The following SLC6A3 variants were observed in gnomAD, a reference collection of about 807,000 sequenced individuals.
SLC6A3 encodes solute carrier family 6 member 3.
In SLC6A3, 19 loss-of-function variants were observed where a neutral mutation model predicts 70.4. That is an observed-to-expected ratio of 0.27 (90% CI 0.19 to 0.40). The LOEUF (loss-of-function observed/expected upper bound fraction) is 0.40, where lower values mean the gene tolerates loss of function less well. SLC6A3 is among the 10% of genes least tolerant of loss of function. The pLI, the probability that SLC6A3 is intolerant of heterozygous loss-of-function variation, is 1.00. For missense variants in SLC6A3, 613 were observed against 838.5 expected (o/e 0.73, Z 3.32); for synonymous variants, 368 against 356.6 (o/e 1.03, Z -0.36).
chr5:1,417,313 C>T (rs202124739), intron 6 of SLC6A3, among the ~76,000 whole-genome samples: 6 of 152,214 alleles, frequency 3.9e-5, no homozygotes, highest in South Asian at 4.2e-4. Context: ...ACCCTCAGAA[C>T]AGCATGGATC....
Position 1,404,729 on chromosome 5 carries a change from A to G in SLC6A3, c.1599+1459T>C, listed in dbSNP as rs1355304267. Among the ~76,000 whole-genome samples the G allele has an allele frequency of 6.6e-6, 1 of 152,266 alleles. No homozygotes were observed. Among genetic ancestry groups the G allele is most frequent in the Non-Finnish European group, 1.5e-5 (1 of 68,048 alleles). ...AGAACTTCATAGGAATTGTGCTGTC[A>G]TATTAAATACAAAATGACATAGAGC... is the stretch of plus-strand genomic sequence containing the variant. On this transcript the variant is annotated intron_variant, in intron 12 of 14. Coordinates refer to ENST00000270349, the MANE Select transcript of SLC6A3 (RefSeq NM_001044.5). The surrounding 1 kb of genome is among the most constrained non-coding windows in gnomAD (Gnocchi z 5.2).
chr5:1,405,072 G>T lies in SLC6A3; in HGVS notation c.1599+1116C>A, dbSNP rs193053174. On this transcript the variant is annotated intron_variant, in intron 12 of 14. Transcript: ENST00000270349. This position sits in a 1 kb window ranked among gnomAD's most constrained non-coding sequence, Gnocchi z 5.3. Reference sequence around the variant, plus strand: ...TCCCCTCTGAACAGCCATGTAGTCTGTGTGCTATTAAAAGCCCGCCCCATG... The same window carrying T: ...TCCCCTCTGAACAGCCATGTAGTCTTTGTGCTATTAAAAGCCCGCCCCATG... Among the ~76,000 whole-genome samples, 61 of 152,326 alleles carry T rather than the reference G, an allele frequency of 4.0e-4. No individual in the cohort carries two copies. The East Asian group carries it at 0.011, about 27-fold the overall frequency.
chr5:1,415,269 C>G (rs1296248280), intron 7 of SLC6A3, among the ~76,000 whole-genome samples: 2 of 152,092 alleles, frequency 1.3e-5, no homozygotes, highest in Non-Finnish European at 2.9e-5. Context: ...GGCTGAGAAA[C>G]CAGAGAGCTG....
Position 1,404,495 on chromosome 5 carries a change from G to A in SLC6A3, c.1600-1406C>T, listed in dbSNP as rs1755924765. Among the ~76,000 whole-genome samples, 1 of 152,214 alleles carries A rather than the reference G, an allele frequency of 6.6e-6. No individual in the cohort carries two copies. The highest frequency in any genetic ancestry group is 6.5e-5 in the Admixed American group (1 of 15,286). On this transcript the variant is annotated intron_variant, in intron 12 of 14. Coordinates refer to ENST00000270349, the MANE Select transcript of SLC6A3 (RefSeq NM_001044.5). The surrounding 1 kb of genome is among the most constrained non-coding windows in gnomAD (Gnocchi z 5.2). ...TCTTAGAAAGAACTATGCCTCCCCA[G>A]GCCACAGTCTGCCCATGTAAGTTGC...
At chr5:1,419,829 C>T (rs1158245743) in intron 6 of SLC6A3, among the ~76,000 whole-genome samples, 1 of 151,218 alleles carries the variant, frequency 6.6e-6, no homozygotes, top group Non-Finnish European at 1.5e-5. Flanking sequence ...TCATAGGTGC[C>T]ATGTCCAGGT....
At chr5:1,416,041 T>C (rs1480550226) in intron 7 of SLC6A3, 57 bp downstream of exon 7, 4 of 1,308,386 alleles carry the variant, frequency 3.1e-6, no homozygotes, top group Admixed American at 3.4e-5. Context: ...TTTCTGGAAG[T>C]CAGCGACCTC....
chr5:1,399,478 C>G (rs917471630), intron 14 of SLC6A3, among the ~76,000 whole-genome samples: 2 of 152,176 alleles, frequency 1.3e-5, no homozygotes, highest in Non-Finnish European at 2.9e-5. Flanking sequence ...AATACAGGAG[C>G]TGAGATTAAT....
Position 1,400,004 on chromosome 5 carries a change from G to T in SLC6A3, c.1839+911C>A, listed in dbSNP as rs575438434. On this transcript the variant is annotated intron_variant, in intron 14 of 14. Transcript: ENST00000270349. ...GACCCCTGCTGGGAGGACTGTTTAC[G>T]AGAACCAGCCACAGAGAGGTGGCCA... Among the ~76,000 whole-genome samples, 5 of 152,320 alleles carry T rather than the reference G, an allele frequency of 3.3e-5. No individual in the cohort carries two copies. In the East Asian group the frequency reaches 9.7e-4, roughly 29 times the overall value.
intron 12 of SLC6A3, 125 bp from the exon 13 acceptor site, chr5:1,403,214 C>T (rs1222036750): frequency 2.6e-5 from 29 of 1,104,220 alleles, no homozygotes; most frequent in South Asian, 4.1e-5. Context: ...GTGCAGACCC[C>T]GGCCAGGCCT....
rs771719912 is a variant in SLC6A3, at chr5:1,432,685, C to T, written c.432G>A (p.Thr144=). 1.3e-5 allele frequency: 21 copies of T among 1,613,922 alleles called. No homozygotes were observed. Among genetic ancestry groups the T allele is most frequent in the South Asian group, 7.7e-5 (7 of 91,066 alleles). The change falls in exon 4 of 15, where the codon ACG becomes ACA. Residue 144 remains threonine, a synonymous_variant. Coordinates refer to ENST00000270349, the MANE Select transcript of SLC6A3 (RefSeq NM_001044.5). ...CGACATACAGTGAGATGAGGATGAC[C>T]GTGAAGCCCACACCTAGCGGGAAGG... The part of the protein sequence containing the change: ...ICPILKGVGF[T]VILISLYVGF...
Position 1,421,835 on chromosome 5 carries a change from C to T in SLC6A3, c.792+41G>A, listed in dbSNP as rs1444575170. 1.9e-6 allele frequency: 3 copies of T among 1,608,574 alleles called. No homozygotes were observed. Among genetic ancestry groups the T allele is most frequent in the Non-Finnish European group, 2.6e-6 (3 of 1,176,218 alleles). ...CCACGGCCACATGTCCACTTGGTGG[C>T]CCCATGTCTACAGGCCCAATTGGTG... On this transcript the variant is annotated intron_variant, in intron 5 of 14. Transcript: ENST00000270349. This position sits in a 1 kb window ranked among gnomAD's most constrained non-coding sequence, Gnocchi z 7.2.
In SLC6A3 at chr5:1,405,652, A is replaced by G. The variant is rs1400427486; in HGVS notation, c.1599+536T>C. Among the ~76,000 whole-genome samples the G allele has an allele frequency of 1.3e-5, 2 of 151,906 alleles. No homozygotes were observed. The highest frequency in any genetic ancestry group is 3.9e-4 in the East Asian group (2 of 5,146). On this transcript the variant is annotated intron_variant, in intron 12 of 14. Coordinates refer to ENST00000270349, the MANE Select transcript of SLC6A3 (RefSeq NM_001044.5). The surrounding 1 kb of genome is among the most constrained non-coding windows in gnomAD (Gnocchi z 5.3). Reference sequence around the variant, plus strand: ...CCTTCCAACAAAACTCTATTTACAAACACCAGCGTCCGACGGCCTTGCCCG... The same window carrying G: ...CCTTCCAACAAAACTCTATTTACAAGCACCAGCGTCCGACGGCCTTGCCCG...
Position 1,436,557 on chromosome 5 carries a change from T to A in SLC6A3, c.419-3859A>T, listed in dbSNP as rs1756840658. On this transcript the variant is annotated intron_variant, in intron 3 of 14. Transcript: ENST00000270349. The surrounding 1 kb of genome is among the most constrained non-coding windows in gnomAD (Gnocchi z 5.2). ...CTTTTAAGGCCCATTTCCTTAAATTTATTTTTGCTTAGTATCTTTTTCTTT... is the reference window on the plus strand; with the variant it reads ...CTTTTAAGGCCCATTTCCTTAAATTAATTTTTGCTTAGTATCTTTTTCTTT... Among the ~76,000 whole-genome samples, 1 of 152,250 alleles carries A rather than the reference T, an allele frequency of 6.6e-6. No individual in the cohort carries two copies. Among genetic ancestry groups the A allele is most frequent in the Non-Finnish European group, 1.5e-5 (1 of 68,046 alleles).
intron 4 of SLC6A3, among the ~76,000 whole-genome samples, chr5:1,425,654 T>C (rs756549687): frequency 2.4e-4 from 36 of 152,352 alleles, no homozygotes; most frequent in South Asian, 6.2e-4. Context: ...ACACAAAAGA[T>C]GAATTAGACT....
In SLC6A3 at chr5:1,436,207, C is replaced by T. The variant is rs561071214; in HGVS notation, c.419-3509G>A. Among the ~76,000 whole-genome samples the T allele has an allele frequency of 1.9e-4, 29 of 152,240 alleles. No individual in the cohort carries two copies. The highest frequency in any genetic ancestry group is 6.3e-4 in the African/African-American group (26 of 41,470). ...CAGAGCCCGTGACCTGGGCCACTGA[C>T]GTGTAGCCCCTCACCAACCAGCCAA... On this transcript the variant is annotated intron_variant, in intron 3 of 14. Transcript: ENST00000270349. The surrounding 1 kb of genome is among the most constrained non-coding windows in gnomAD (Gnocchi z 5.2).
chr5:1,409,196 C>A, intron 10 of SLC6A3, 71 bp from the exon 11 acceptor site: 1 of 1,107,920 alleles, frequency 9.0e-7, no homozygotes, highest in Non-Finnish European at 1.3e-6. Flanking sequence ...TGGGGATTCA[C>A]TGTGCACACA....
intron 6 of SLC6A3, among the ~76,000 whole-genome samples, chr5:1,418,204 T>C (rs746435567): frequency 6.6e-6 from 1 of 152,122 alleles, no homozygotes; most frequent in Non-Finnish European, 1.5e-5. Flanking sequence ...GGGGAGCGCC[T>C]GCCTCCTCCT....
At chr5:1,419,319 GCATTCATCCATC>G (rs1560916509) in intron 6 of SLC6A3, among the ~76,000 whole-genome samples, 1 of 72,604 alleles carries the variant, frequency 1.4e-5, no homozygotes, top group African/African-American at 5.8e-5. Context: ...TACTTACCTA[GCATTCATCCATC>G]CATCCATCCA....
intron 11 of SLC6A3, among the ~76,000 whole-genome samples, chr5:1,407,868 G>T (rs973224527): frequency 6.6e-6 from 1 of 152,192 alleles, no homozygotes; most frequent in African/African-American, 2.4e-5. Flanking sequence ...AAGTCAGGGC[G>T]TTTATCTGGC....
Sources: gnomAD v4.1 joint callset for allele counts (sites outside exome capture counted in the v4.1 genomes callset) on GRCh38, gnomAD v4.1.1 for gene constraint, Gnocchi (gnomAD v3.1) non-coding constraint, MANE v1.5 for transcripts, NCBI Gene and HGNC (gene_info 2026-07-23, HGNC 2026-07-21) for gene names.